Variants in SLU7 observed in about 807,000 individuals in gnomAD.
SLU7 encodes the protein spliceosome associated SLU7.
SLU7 carries 60 observed loss-of-function variants against 87.0 expected under a neutral mutation model. The ratio of observed to expected loss-of-function variants is 0.69; its 90% CI spans 0.56 to 0.86. SLU7 has a LOEUF of 0.86. Ranked by LOEUF, SLU7 falls within the 40% of genes least tolerant of loss-of-function variation. The probability of loss-of-function intolerance (pLI) is 0.00; values close to 1 mark genes in which losing one functional copy is unlikely to be tolerated. For synonymous variants in SLU7, 197 were observed against 222.0 expected, an observed-to-expected ratio of 0.89 and a Z score of 1.00; for missense variants, 507 against 686.6, an observed-to-expected ratio of 0.74 and a Z score of 2.92.
intron 12 of SLU7, 164 bp downstream of exon 12, chr5:160,406,304 T>A (rs1226278547): frequency 2.2e-5 from 12 of 534,876 alleles, no homozygotes. Context: ...TAGTATTCCT[T>A]CAAAATTTTT....
Position 160,406,488 on chromosome 5 carries a change from C to T in SLU7, c.1267G>A (p.Val423Met), listed in dbSNP as rs1337181254. 3.1e-6 allele frequency: 5 copies of T among 1,610,104 alleles called. No homozygotes were observed. Among genetic ancestry groups the T allele is most frequent in the Non-Finnish European group, 4.2e-6 (5 of 1,178,732 alleles). The change falls in exon 12 of 16, where the codon GTG (valine) becomes ATG (methionine). Residue 423 changes from valine (V) to methionine (M), a missense_variant. Transcript: ENST00000297151. ...CATACTGTGTGATTGTGGATCTTCA[C>T]ATCCTCCTCATACTTAGAGCAGGCA... The part of the protein sequence containing the change: ...AVACSKYEED[V>M]KIHNHTHIWG...
At chr5:160,417,791 C>CAAAAA (rs33929783) in intron 1 of SLU7, among the ~76,000 whole-genome samples, 38 of 111,136 alleles carry the variant, frequency 3.4e-4, no homozygotes, top group African/African-American at 1.1e-3. Context: ...GACTACGTCT[C>CAAAAA]AAAAAAAAAA....
intron 12 of SLU7, 59 bp from the exon 13 acceptor site, chr5:160,405,194 A>G (rs1764959290): frequency 1.7e-6 from 2 of 1,163,804 alleles, no homozygotes; most frequent in African/African-American, 3.1e-5. Flanking sequence ...ACTTCTGTAT[A>G]CTGTTGATAA....
In SLU7 at chr5:160,415,308, CCTCTAG is replaced by C. The variant is rs745895357; in HGVS notation, c.-16-4_-15del. The C allele has an allele frequency of 6.5e-7, 1 of 1,541,746 alleles. No individual in the cohort carries two copies. The highest frequency in any genetic ancestry group is 1.3e-5 in the South Asian group (1 of 78,830). ...TGTGGCTGACATGGTTATCTGGCCT[CCTCTAG>C]GAAAAGAAGTGAAACTTACAGTAAA... is the stretch of plus-strand genomic sequence containing the variant. On this transcript the variant is annotated splice_acceptor_variant and splice_polypyrimidine_tract_variant and 5_prime_UTR_variant and intron_variant, in exon 2 of 16. Coordinates refer to ENST00000297151, the MANE Select transcript of SLU7 (RefSeq NM_006425.5). LOFTEE classifies it low-confidence loss of function (5UTR_SPLICE).
At position 160,403,298 on chromosome 5, in the gene SLU7, A is replaced by G. The variant is rs1292211873; in HGVS notation, c.1748T>C (p.Phe583Ser). ...TCTGACTAGTTGCTACTGTCCAAGG[A>G]AAGAGGCCATGGGGTCATCTGGCCT... ...RQRPDDPMAS[F>S]LGQ The change falls in exon 16 of 16, where the codon TTC becomes TCC. Residue 583 changes from phenylalanine to serine, a missense_variant. Phe to Ser is a radical substitution (Grantham distance 155). Coordinates refer to ENST00000297151, the MANE Select transcript of SLU7 (RefSeq NM_006425.5). 18 of 1,599,570 alleles carry G rather than the reference A, an allele frequency of 1.1e-5. No homozygotes were observed. Among genetic ancestry groups the G allele is most frequent in the Non-Finnish European group, 1.4e-5 (16 of 1,173,452 alleles).
In SLU7 at chr5:160,402,985, A is replaced by G; in HGVS notation, c.*300T>C. The stretch of plus-strand genomic sequence containing the variant: ...AGCCGAGATCGCGCCACCGCACTTC[A>G]GCCTGGGCGACAGAGCAAGACTCCG... On this transcript the variant is annotated 3_prime_UTR_variant, in exon 16 of 16. Coordinates refer to ENST00000297151, the MANE Select transcript of SLU7 (RefSeq NM_006425.5). 1 of 164,304 alleles carries G rather than the reference A, an allele frequency of 6.1e-6. No individual in the cohort carries two copies. Among genetic ancestry groups the G allele is most frequent in the Non-Finnish European group, 1.3e-5 (1 of 76,212 alleles). The allele number at this position is 164,304 out of a possible 1,614,324, so 10.2% of individuals were successfully genotyped here.
rs1318688974 is a variant in SLU7 at position 160,413,531 on chromosome 5, C to A, written c.495G>T (p.Gly165=). 6.2e-7 allele frequency: 1 copy of A among 1,613,846 alleles called. No homozygotes were observed. Among genetic ancestry groups the A allele is most frequent in the African/African-American group, 1.3e-5 (1 of 74,908 alleles). ...TGTAGCCATTCCACCGATCCCTCTT[C>A]CCATCATAGTCAAACATCAGTTGAG... ...VQPQLMFDYD[G]KRDRWNGYNP... Residue 165 remains glycine, a synonymous_variant, in exon 5 of 16, where the codon GGG becomes GGT. Coordinates refer to ENST00000297151, the MANE Select transcript of SLU7 (RefSeq NM_006425.5).
intron 15 of SLU7, 133 bp downstream of exon 15, chr5:160,404,307 G>A (rs935462906): frequency 1.6e-6 from 1 of 610,636 alleles, no homozygotes; most frequent in Admixed American, 3.0e-5. Flanking sequence ...GGAGCTTGCA[G>A]TGAGCTGCGG....
At chr5:160,415,632 G>T (rs1376076705) in intron 1 of SLU7, among the ~76,000 whole-genome samples, 1 of 152,138 alleles carries the variant, frequency 6.6e-6, no homozygotes, top group Non-Finnish European at 1.5e-5. Context: ...TGAGAGAAAA[G>T]AGGGTCCTAT....
chr5:160,416,484 C>A (rs1486696343), intron 1 of SLU7, among the ~76,000 whole-genome samples: 2 of 152,200 alleles, frequency 1.3e-5, no homozygotes, highest in Admixed American at 1.3e-4. Context: ...CACTTAGAGG[C>A]CAGAGGCATT....
At chr5:160,405,848 C>T (rs1424059930) in intron 12 of SLU7, among the ~76,000 whole-genome samples, 2 of 152,066 alleles carry the variant, frequency 1.3e-5, no homozygotes, top group Non-Finnish European at 1.5e-5. Context: ...AAATGGTCAC[C>T]GTCATGAAAA....
intron 6 of SLU7, among the ~76,000 whole-genome samples, chr5:160,411,064 C>T (rs914223708): frequency 5.9e-5 from 9 of 152,078 alleles, no homozygotes; most frequent in African/African-American, 2.2e-4. Flanking sequence ...GACGGGGTTT[C>T]ACCGTGTTAG....
At chr5:160,412,281 T>C (rs1258859837) in intron 6 of SLU7, among the ~76,000 whole-genome samples, 170 bp downstream of exon 6, 1 of 152,186 alleles carries the variant, frequency 6.6e-6, no homozygotes, top group Non-Finnish European at 1.5e-5. Context: ...CCAAACTGAC[T>C]GCATCAATTT....
At chr5:160,414,245 T>C in intron 3 of SLU7, 74 bp downstream of exon 3, 1 of 1,164,352 alleles carries the variant, frequency 8.6e-7, no homozygotes, top group Non-Finnish European at 1.2e-6. Context: ...TTAAATAGTA[T>C]TGCATTAAAA....
At chr5:160,412,945 A>T (rs1026562042) in intron 5 of SLU7, among the ~76,000 whole-genome samples, 1 of 67,336 alleles carries the variant, frequency 1.5e-5, no homozygotes, top group African/African-American at 5.3e-5. Context: ...CCTCTAATTA[A>T]AAAAAAAAGG....
In SLU7 at chr5:160,408,383, G is replaced by A. The variant is rs1329001129; in HGVS notation, c.765C>T (p.Asp255=). The A allele has an allele frequency of 3.7e-6, 6 of 1,611,786 alleles. No homozygotes were observed. The highest frequency in any genetic ancestry group is 2.2e-5 in the South Asian group (2 of 90,486). ...DDIDMPGQNF[D]SKRRITVRNL... is the part of the protein sequence containing the mutation. ...TCCGGACAGTAATTCGTCTCTTGGA[G>A]TCAAAATTCTGTCCAGGCATGTCAA... Residue 255 remains aspartate (D), a synonymous_variant, in exon 8 of 16, where the codon GAC becomes GAT. Coordinates refer to ENST00000297151, the MANE Select transcript of SLU7 (RefSeq NM_006425.5).
chr5:160,411,442 C>T (rs1765238009), intron 6 of SLU7, among the ~76,000 whole-genome samples: 1 of 151,968 alleles, frequency 6.6e-6, no homozygotes, highest in South Asian at 2.1e-4. Flanking sequence ...TAGTCTCGAA[C>T]TCCTGACCTC....
chr5:160,414,267 A>G (rs1765361887), intron 3 of SLU7, 52 bp downstream of exon 3: 1 of 1,404,356 alleles, frequency 7.1e-7, no homozygotes, highest in Non-Finnish European at 9.5e-7. Context: ...TTCTTACATT[A>G]AGTTCTTAAA....
chr5:160,409,733 C>T (rs914397096), intron 6 of SLU7, among the ~76,000 whole-genome samples: 5 of 151,758 alleles, frequency 3.3e-5, no homozygotes, highest in Non-Finnish European at 5.9e-5. Context: ...GAACACTGAA[C>T]GGCCATTAAA....
Sources: gnomAD v4.1 joint callset for allele counts (sites outside exome capture counted in the v4.1 genomes callset) on GRCh38, gnomAD v4.1.1 for gene constraint, MANE v1.5 for transcripts, NCBI Gene and HGNC (gene_info 2026-07-23, HGNC 2026-07-21) for gene names.